THAP6: variants seen among roughly 807,000 people sequenced by gnomAD.
THAP6 encodes THAP domain-containing protein 6.
In THAP6, 13 loss-of-function variants were observed where a neutral mutation model predicts 20.0. The ratio of observed to expected loss-of-function variants is 0.65; its 90% CI spans 0.42 to 1.03. THAP6 has a LOEUF of 1.03. THAP6 is among the 50% of genes least tolerant of loss of function. The probability of loss-of-function intolerance (pLI) is 0.00; values close to 1 mark genes in which losing one functional copy is unlikely to be tolerated. For synonymous variants in THAP6, 93 were observed against 92.2 expected (o/e 1.01, Z -0.05); for missense variants, 262 against 261.6 (o/e 1.00, Z -0.01).
intron 3 of THAP6, among the ~76,000 whole-genome samples, chr4:75,520,347 A>C (rs894768774): frequency 2.6e-5 from 4 of 152,168 alleles, no homozygotes; most frequent in African/African-American, 7.2e-5. Flanking sequence ...TTCAATTAGA[A>C]GTGGGAATTA....
chr4:75,531,780 CT>C (rs35001883), downstream of THAP6, among the ~76,000 whole-genome samples: 920 of 144,284 alleles, frequency 6.4e-3, 3 homozygotes, highest in East Asian at 0.02. Context: ...AGAAACTCCC[CT>C]TTTTTTTTTT....
chr4:75,519,110 A>G (rs761561917), intron 3 of THAP6, among the ~76,000 whole-genome samples: 7 of 152,140 alleles, frequency 4.6e-5, no homozygotes, highest in Non-Finnish European at 1.0e-4. Flanking sequence ...AATTATATAC[A>G]TGGAGTCCTG....
rs1726508226 is a variant in THAP6, at chr4:75,528,386, T to C, written c.*1172T>C. On this transcript the variant is annotated 3_prime_UTR_variant, in exon 5 of 5. Coordinates refer to ENST00000311638, the MANE Select transcript of THAP6 (RefSeq NM_144721.6). The stretch of plus-strand genomic sequence containing the variant: ...ATACTGTGGGTTAGAATAAAAACCA[T>C]TTGCCAAAGCAACACTCTACTTAGA... The C allele has an allele frequency of 1.0e-6, 1 of 985,290 alleles. No individual in the cohort carries two copies. Among genetic ancestry groups the C allele is most frequent in the Non-Finnish European group, 1.2e-6 (1 of 829,948 alleles). 61.0% of individuals were successfully genotyped at this position (985,290 alleles called of 1,614,324 possible).
At chr4:75,539,444 C>T (rs1304918864) in intron 2 of THAP6, among the ~76,000 whole-genome samples, 2 of 152,150 alleles carry the variant, frequency 1.3e-5, no homozygotes, top group Non-Finnish European at 2.9e-5. Flanking sequence ...GTACATAACA[C>T]AAATACAGAT....
chr4:75,525,346 A>G (rs976210811), intron 4 of THAP6, among the ~76,000 whole-genome samples: 1 of 152,106 alleles, frequency 6.6e-6, no homozygotes, highest in Non-Finnish European at 1.5e-5. Context: ...TCTGTAGTCC[A>G]TACTGGATAG....
At chr4:75,533,843 T>A (rs1227690771), downstream of THAP6, among the ~76,000 whole-genome samples, 2 of 152,134 alleles carry the variant, frequency 1.3e-5, no homozygotes, top group African/African-American at 4.8e-5. Context: ...ACATGTGCCA[T>A]GTTGGTGTGC....
At chr4:75,516,260 T>C (rs1725620728) in intron 2 of THAP6, among the ~76,000 whole-genome samples, 1 of 152,248 alleles carries the variant, frequency 6.6e-6, no homozygotes, top group Admixed American at 6.5e-5. Flanking sequence ...AAAATAGCTC[T>C]GATCTCCAGA....
chr4:75,514,143 C>A, upstream of THAP6: 1 of 1,576,740 alleles, frequency 6.3e-7, no homozygotes, highest in South Asian at 1.1e-5. Context: ...GCCCAGCCCG[C>A]CCCAGCCCAA....
At chr4:75,533,266 T>C (rs116568472), downstream of THAP6, among the ~76,000 whole-genome samples, 1 of 152,200 alleles carries the variant, frequency 6.6e-6, no homozygotes, top group African/African-American at 2.4e-5. Flanking sequence ...CCAGTTTCTT[T>C]ACTAAAACAT....
chr4:75,542,369 T>G lies in THAP6; in HGVS notation c.166-40T>G, dbSNP rs1490576811. 4.3e-6 allele frequency: 3 copies of G among 698,582 alleles called. No homozygotes were observed. The South Asian group carries it at 4.5e-5, about 10-fold the overall frequency. 43.3% of individuals were successfully genotyped at this position (698,582 alleles called of 1,614,324 possible). On this transcript the variant is annotated intron_variant, in intron 2 of 4. Coordinates refer to the THAP6 transcript ENST00000502620. The stretch of plus-strand genomic sequence containing the variant: ...ATGCTCTAATAGAGCTGATCGCAAT[T>G]TTCATAAATCCTCGTATTTCTGCCT...
chr4:75,526,828 C>T, intron 4 of THAP6, 132 bp from the exon 5 acceptor site: 1 of 1,355,022 alleles, frequency 7.4e-7, no homozygotes, highest in South Asian at 1.5e-5. Flanking sequence ...TTCCTGTGTT[C>T]CTTAAACCTC....
intron 3 of THAP6, among the ~76,000 whole-genome samples, chr4:75,546,704 A>G (rs377667667): frequency 2.0e-5 from 3 of 152,306 alleles, no homozygotes; most frequent in East Asian, 3.9e-4. Context: ...GACTCAGAGA[A>G]GAGCCTATAC....
At position 75,529,155 on chromosome 4, in the gene THAP6, A is replaced by G; in HGVS notation, c.*1941A>G. On this transcript the variant is annotated 3_prime_UTR_variant, in exon 5 of 5. Coordinates refer to ENST00000311638, the MANE Select transcript of THAP6 (RefSeq NM_144721.6). ...TAATGGAAAGTTTGGGTATGATCTTAGGTTTTATGGAGATGTTTTCAATAG... is the reference window on the plus strand; with the variant it reads ...TAATGGAAAGTTTGGGTATGATCTTGGGTTTTATGGAGATGTTTTCAATAG... 2.0e-6 allele frequency: 2 copies of G among 982,952 alleles called. No individual in the cohort carries two copies. Among genetic ancestry groups the G allele is most frequent in the Non-Finnish European group, 2.4e-6 (2 of 827,694 alleles). The allele number at this position is 982,952 out of a possible 1,614,324, so 60.9% of individuals were successfully genotyped here. A position where few individuals can be genotyped will look rare whatever the true frequency, so the allele number is the denominator to read the frequency against.
At chr4:75,539,896 A>G (rs1264716910) in intron 2 of THAP6, 2 of 1,536,166 alleles carry the variant, frequency 1.3e-6, no homozygotes, top group Non-Finnish European at 8.7e-7. Context: ...GAAGAAGAAC[A>G]AAAACCAAGA....
At chr4:75,521,993 C>T in intron 4 of THAP6, 132 bp downstream of exon 4, 3 of 1,096,494 alleles carry the variant, frequency 2.7e-6, no homozygotes, top group Admixed American at 2.4e-5. Context: ...AATATTGCTT[C>T]CTAGAGTCAT....
chr4:75,529,101 C>T lies in THAP6; in HGVS notation c.*1887C>T. ...AATTACCCATTATTTATTTTAGTTACTTAATTTTGAGTTCATAAATGGCCA... is the reference window on the plus strand; with the variant it reads ...AATTACCCATTATTTATTTTAGTTATTTAATTTTGAGTTCATAAATGGCCA... On this transcript the variant is annotated 3_prime_UTR_variant, in exon 5 of 5. Transcript: ENST00000311638. 1 of 971,212 alleles carries T rather than the reference C, an allele frequency of 1.0e-6. No homozygotes were observed. Among genetic ancestry groups the T allele is most frequent in the Non-Finnish European group, 1.2e-6 (1 of 817,020 alleles). The allele number at this position is 971,212 out of a possible 1,614,324, so 60.2% of individuals were successfully genotyped here. A position where few individuals can be genotyped will look rare whatever the true frequency, so the allele number is the denominator to read the frequency against.
chr4:75,518,783 A>G (rs1204802492), intron 3 of THAP6, among the ~76,000 whole-genome samples: 2 of 152,252 alleles, frequency 1.3e-5, no homozygotes, highest in East Asian at 1.9e-4. Flanking sequence ...ACAGAATCCT[A>G]CATCTTCCAG....
chr4:75,540,980 T>C (rs986069553), intron 2 of THAP6, among the ~76,000 whole-genome samples: 4 of 152,146 alleles, frequency 2.6e-5, no homozygotes, highest in Non-Finnish European at 5.9e-5. Context: ...TCTGGACATA[T>C]TTTGTTGAAA....
rs767398874 is a variant in THAP6, at chr4:75,521,825, C to A, written c.378C>A (p.Ser126=). The stretch of plus-strand genomic sequence containing the variant: ...ACAATCACCATCTTGTTGGTGCTTC[C>A]TCATGTATTGAAGAATTCCAATCCC... ...TNYNHHLVGA[S]SCIEEFQSQF... Residue 126 remains serine (S), a synonymous_variant, in exon 4 of 5, where the codon TCC becomes TCA. Transcript: ENST00000311638. The A allele has an allele frequency of 2.3e-5, 37 of 1,613,462 alleles. No homozygotes were observed. In the Middle Eastern group the frequency reaches 5.0e-4, roughly 22 times the overall value.
Sources: gnomAD v4.1 joint callset for allele counts (sites outside exome capture counted in the v4.1 genomes callset) on GRCh38, gnomAD v4.1.1 for gene constraint, MANE v1.5 for transcripts, NCBI Gene and HGNC (gene_info 2026-07-23, HGNC 2026-07-21) for gene names.